KHDRBS2: variants seen among roughly 807,000 people sequenced by gnomAD.
KHDRBS2 encodes the protein KH domain-containing, RNA-binding, signal transduction-associated protein 2.
In KHDRBS2, 26 loss-of-function variants were observed where a neutral mutation model predicts 44.3. The ratio of observed to expected loss-of-function variants is 0.59; its 90% confidence interval spans 0.43 to 0.81. The LOEUF (loss-of-function observed/expected upper bound fraction) is 0.81. Ranked by LOEUF, KHDRBS2 falls within the 40% of genes least tolerant of loss-of-function variation. KHDRBS2 has a pLI of 0.00. For missense variants in KHDRBS2, 476 were observed against 433.1 expected (o/e 1.10, Z -0.88); for synonymous variants, 194 against 151.1 (o/e 1.28, Z -2.08).
intron 5 of KHDRBS2, among the ~76,000 whole-genome samples, chr6:61,899,825 C>T (rs1803629708): frequency 6.8e-6 from 1 of 146,416 alleles, no homozygotes; most frequent in African/African-American, 2.5e-5. Flanking sequence ...CCACATAAAG[C>T]TGTAAAATTG....
intron 4 of KHDRBS2, among the ~76,000 whole-genome samples, chr6:61,907,673 C>G (rs1261628578): frequency 6.6e-6 from 1 of 152,160 alleles, no homozygotes; most frequent in East Asian, 1.9e-4. Flanking sequence ...TGTCTTTTCC[C>G]TAATGTATGT....
intron 1 of KHDRBS2, among the ~76,000 whole-genome samples, chr6:62,240,654 G>A (rs9454715): frequency 1.6e-5 from 2 of 125,524 alleles, no homozygotes; most frequent in South Asian, 2.5e-4. Flanking sequence ...GTGTGTATGT[G>A]TGTATGTATG....
chr6:62,242,373 C>T (rs1834814981), intron 1 of KHDRBS2, among the ~76,000 whole-genome samples: 1 of 152,148 alleles, frequency 6.6e-6, no homozygotes, highest in Admixed American at 6.6e-5. Flanking sequence ...GGTTTCTCAA[C>T]TACTGACATT....
intron 2 of KHDRBS2, among the ~76,000 whole-genome samples, chr6:62,071,313 T>C (rs1343840657): frequency 6.6e-6 from 1 of 152,212 alleles, no homozygotes; most frequent in East Asian, 1.9e-4. Context: ...TGATGGTAGT[T>C]TCTTTTGCTG....
chr6:61,765,247 C>T (rs899776200), intron 6 of KHDRBS2, among the ~76,000 whole-genome samples: 2 of 151,970 alleles, frequency 1.3e-5, no homozygotes, highest in Admixed American at 6.6e-5. Context: ...GAGGCCAGGA[C>T]TTTGAGACCA....
intron 1 of KHDRBS2, among the ~76,000 whole-genome samples, chr6:62,200,784 A>G (rs1336745693): frequency 1.3e-5 from 2 of 152,188 alleles, no homozygotes; most frequent in Admixed American, 1.3e-4. Flanking sequence ...ACACATGCAC[A>G]TGTATGTTTA....
the KHDRBS2 span, among the ~76,000 whole-genome samples, chr6:61,671,241 C>T: frequency 6.6e-6 from 1 of 151,602 alleles, no homozygotes; most frequent in South Asian, 2.1e-4. Context: ...CAAGCATCTC[C>T]AATTTTCTCC....
intron 4 of KHDRBS2, among the ~76,000 whole-genome samples, chr6:61,943,726 G>T (rs989275152): frequency 6.6e-6 from 1 of 152,070 alleles, no homozygotes; most frequent in Non-Finnish European, 1.5e-5. Context: ...TTATTGAATG[G>T]TAGAAAATAT....
chr6:62,160,975 C>T lies in KHDRBS2; in HGVS notation c.219+16210G>A, dbSNP rs115716418. Among the ~76,000 whole-genome samples, 796 of 152,162 alleles carry T rather than the reference C, an allele frequency of 5.2e-3. 9 individuals are homozygous for T. Among genetic ancestry groups the T allele is most frequent in the Middle Eastern group, 0.017 (5 of 294 alleles). On this transcript the variant is annotated intron_variant, in intron 2 of 8. Transcript: ENST00000281156. Reference sequence around the variant, plus strand: ...CTATATCCACTGAACAATAACTCTCCACTCATCCCGCTGCCAAGACCCTGG... The same window carrying T: ...CTATATCCACTGAACAATAACTCTCTACTCATCCCGCTGCCAAGACCCTGG...
the KHDRBS2 span, among the ~76,000 whole-genome samples, chr6:61,604,417 C>T: frequency 6.6e-6 from 1 of 152,188 alleles, no homozygotes; most frequent in African/African-American, 2.4e-5. Flanking sequence ...CCACCTACTC[C>T]ACCACTGAAA....
intron 4 of KHDRBS2, among the ~76,000 whole-genome samples, chr6:61,944,946 C>G (rs1007780738): frequency 2.0e-5 from 3 of 150,820 alleles, no homozygotes; most frequent in Non-Finnish European, 4.4e-5. Flanking sequence ...CAAAAATAAG[C>G]CGGGTGTGGT....
chr6:61,839,886 G>A (rs1793330470), intron 6 of KHDRBS2, among the ~76,000 whole-genome samples: 1 of 152,062 alleles, frequency 6.6e-6, no homozygotes, highest in Non-Finnish European at 1.5e-5. Context: ...CTTCTTTTCA[G>A]TTCATGACTG....
intron 1 of KHDRBS2, among the ~76,000 whole-genome samples, chr6:62,284,528 CTT>C (rs1254779866): frequency 1.3e-5 from 2 of 151,690 alleles, no homozygotes; most frequent in Non-Finnish European, 2.9e-5. Context: ...TTTTTATTGA[CTT>C]TACTTTTCCA....
chr6:62,063,336 T>C (rs1015801916), intron 2 of KHDRBS2, among the ~76,000 whole-genome samples: 3 of 151,246 alleles, frequency 2.0e-5, no homozygotes, highest in African/African-American at 7.3e-5. Context: ...AACAAGAGAA[T>C]TTTAGACCAA....
At chr6:61,823,921 C>T (rs1202177392) in intron 6 of KHDRBS2, among the ~76,000 whole-genome samples, 10 of 152,002 alleles carry the variant, frequency 6.6e-5, no homozygotes, top group Non-Finnish European at 7.4e-5. Flanking sequence ...AATGTGAGAT[C>T]CAAGTTAAAT....
chr6:61,704,121 A>G (rs920876669), intron 7 of KHDRBS2, among the ~76,000 whole-genome samples: 1 of 151,894 alleles, frequency 6.6e-6, no homozygotes, highest in Non-Finnish European at 1.5e-5. Context: ...TGTCTTTCCC[A>G]CCTTCACCTA....
chr6:62,058,636 C>A (rs748683603), intron 2 of KHDRBS2, among the ~76,000 whole-genome samples: 19 of 151,704 alleles, frequency 1.3e-4, no homozygotes, highest in Non-Finnish European at 2.7e-4. Flanking sequence ...ATTCATAGTA[C>A]CAATCATCAA....
chr6:61,751,520 G>A (rs1451872979), intron 6 of KHDRBS2, among the ~76,000 whole-genome samples: 1 of 152,160 alleles, frequency 6.6e-6, no homozygotes, highest in African/African-American at 2.4e-5. Context: ...TCTGCTACAT[G>A]ACACAAGTCT....
intron 4 of KHDRBS2, among the ~76,000 whole-genome samples, chr6:61,945,536 CAT>C (rs1402793782): frequency 6.6e-6 from 1 of 151,874 alleles, no homozygotes; most frequent in African/African-American, 2.4e-5. Context: ...TATTCAAACA[CAT>C]GTAGGAATAT....
Sources: gnomAD v4.1 joint callset for allele counts (sites outside exome capture counted in the v4.1 genomes callset) on GRCh38, gnomAD v4.1.1 for gene constraint, MANE v1.5 for transcripts, NCBI Gene and HGNC (gene_info 2026-07-23, HGNC 2026-07-21) for gene names.